CEP85L: variants seen among roughly 807,000 people sequenced by gnomAD.
CEP85L encodes centrosomal protein 85L, also known as centrosomal protein of 85 kDa-like.
Under a neutral mutation model 100.3 loss-of-function variants are expected in CEP85L, and 60 were observed. The observed-to-expected ratio is 0.60, with a 90% CI of 0.49 to 0.74. CEP85L has a LOEUF of 0.74. CEP85L is among the 30% of genes least tolerant of loss of function. The probability of loss-of-function intolerance (pLI) is 0.00; values close to 1 mark genes in which losing one functional copy is unlikely to be tolerated. For synonymous variants in CEP85L, 319 were observed against 322.7 expected, an observed-to-expected ratio of 0.99 and a Z score of 0.12; for missense variants, 973 against 936.2, an observed-to-expected ratio of 1.04 and a Z score of -0.51.
chr6:118,544,414 T>C (rs557050196), intron 3 of CEP85L, among the ~76,000 whole-genome samples: 1 of 152,344 alleles, frequency 6.6e-6, no homozygotes, highest in East Asian at 1.9e-4. Context: ...TGGGAATTTC[T>C]TTTTCTCCTG....
rs117836445 is a variant in CEP85L, at chr6:118,650,422, A to T, written c.73+775T>A. ...TACACAACTTCTGAGCGACGCAAGCATGAAATGGCTGTCCGATACAAACAG... is the reference window on the plus strand; with the variant it reads ...TACACAACTTCTGAGCGACGCAAGCTTGAAATGGCTGTCCGATACAAACAG... On this transcript the variant is annotated intron_variant, in intron 1 of 12. Transcript: ENST00000368491. Among the ~76,000 whole-genome samples the T allele has an allele frequency of 1.2e-3, 181 of 152,320 alleles. 1 individual carries two copies. Among genetic ancestry groups the T allele is most frequent in the Middle Eastern group, 3.4e-3 (1 of 294 alleles).
intron 1 of CEP85L, among the ~76,000 whole-genome samples, chr6:118,691,147 G>A (rs1375032073): frequency 6.6e-6 from 1 of 152,214 alleles, no homozygotes; most frequent in Admixed American, 6.5e-5. Flanking sequence ...AGGCGTGGTG[G>A]CTCATGCCTG....
Position 118,565,527 on chromosome 6 carries a change from A to G in CEP85L, c.1020+2T>C. The G allele has an allele frequency of 6.2e-7, 1 of 1,614,026 alleles. No individual in the cohort carries two copies. Among genetic ancestry groups the G allele is most frequent in the Non-Finnish European group, 8.5e-7 (1 of 1,179,890 alleles). On this transcript the variant is annotated splice_donor_variant, in intron 3 of 12. Transcript: ENST00000368491. LOFTEE classifies it high-confidence loss of function. ...AAGCAAACACTAGATTTTGCACCTT[A>G]CCTGCATTGGTGTTTCACTTCCTTG...
intron 2 of CEP85L, chr6:118,589,128 A>C (rs927125832): frequency 3.0e-5 from 9 of 296,110 alleles, no homozygotes; most frequent in Non-Finnish European, 6.4e-5. Flanking sequence ...ATATCAGAGA[A>C]GAAACACAAG....
chr6:118,573,172 T>A (rs1176121955), intron 2 of CEP85L, among the ~76,000 whole-genome samples: 1 of 152,080 alleles, frequency 6.6e-6, no homozygotes. Context: ...CATCAGACAA[T>A]GAGAAGTGGT....
At chr6:118,627,859 T>A (rs1020693863) in intron 2 of CEP85L, among the ~76,000 whole-genome samples, 1 of 152,160 alleles carries the variant, frequency 6.6e-6, no homozygotes, top group Admixed American at 6.5e-5. Flanking sequence ...TAACTTACCT[T>A]GGGGAAGAGA....
At chr6:118,689,363 T>A (rs73768523) in intron 1 of CEP85L, among the ~76,000 whole-genome samples, 4,530 of 152,324 alleles carry the variant, frequency 0.03, 234 homozygotes, top group African/African-American at 0.1. Flanking sequence ...AGGAAAATTA[T>A]TGTCCATTAG....
chr6:118,539,289 C>T (rs747373402), intron 3 of CEP85L, among the ~76,000 whole-genome samples: 7 of 152,108 alleles, frequency 4.6e-5, no homozygotes, highest in Non-Finnish European at 1.0e-4. Context: ...TATTTAGGTA[C>T]ACAGTAACAC....
At chr6:118,507,743 C>T (rs770804567) in intron 5 of CEP85L, among the ~76,000 whole-genome samples, 2 of 152,182 alleles carry the variant, frequency 1.3e-5, no homozygotes, top group African/African-American at 2.4e-5. Flanking sequence ...TTCCTTCACC[C>T]CCTTCACCTG....
intron 1 of CEP85L, among the ~76,000 whole-genome samples, chr6:118,686,708 A>G (rs1437913466): frequency 6.6e-6 from 1 of 152,176 alleles, no homozygotes; most frequent in Non-Finnish European, 1.5e-5. Context: ...GTGGACACCT[A>G]CGTGCATTTC....
chr6:118,608,799 G>T (rs1380852229), intron 2 of CEP85L, among the ~76,000 whole-genome samples: 2 of 152,182 alleles, frequency 1.3e-5, no homozygotes, highest in Non-Finnish European at 2.9e-5. Flanking sequence ...TTGCCAAATA[G>T]TGGAACAGAA....
chr6:118,493,938 C>T (rs574934730), intron 5 of CEP85L, among the ~76,000 whole-genome samples: 4 of 151,734 alleles, frequency 2.6e-5, no homozygotes, highest in African/African-American at 4.8e-5. Context: ...TCTAGCCCAG[C>T]GTGTAAAGAT....
chr6:118,532,196 T>C (rs1302644238), intron 3 of CEP85L, among the ~76,000 whole-genome samples: 5 of 152,002 alleles, frequency 3.3e-5, no homozygotes, highest in Admixed American at 6.6e-5. Context: ...AAAAGAATAA[T>C]ATGTCCTTTG....
chr6:118,578,769 T>TG (rs1210072824), intron 2 of CEP85L, among the ~76,000 whole-genome samples: 1 of 152,210 alleles, frequency 6.6e-6, no homozygotes, highest in Non-Finnish European at 1.5e-5. Flanking sequence ...TTGTTCGGTG[T>TG]GCTCTCGCGA....
chr6:118,551,532 T>TA (rs1205368358), intron 3 of CEP85L, among the ~76,000 whole-genome samples: 1 of 151,894 alleles, frequency 6.6e-6, no homozygotes, highest in African/African-American at 2.4e-5. Flanking sequence ...TTTCAATATT[T>TA]AAAAAACAAT....
intron 2 of CEP85L, among the ~76,000 whole-genome samples, chr6:118,572,272 TAAAAAAAAAAA>T (rs572307069): frequency 2.3e-4 from 25 of 107,630 alleles, no homozygotes; most frequent in African/African-American, 8.8e-4. Flanking sequence ...ACCCATTCTT[TAAAAAAAAAAA>T]AAAAAAAAAA....
At chr6:118,600,370 T>TGG (rs58066356) in intron 2 of CEP85L, among the ~76,000 whole-genome samples, 1,924 of 86,390 alleles carry the variant, frequency 0.022, 409 homozygotes, top group African/African-American at 0.033. Flanking sequence ...TGTGTGTGTG[T>TGG]AACGCCATGG....
intron 1 of CEP85L, among the ~76,000 whole-genome samples, chr6:118,691,280 C>T (rs1159171526): frequency 1.3e-5 from 2 of 151,992 alleles, no homozygotes; most frequent in Non-Finnish European, 2.9e-5. Context: ...CGCCTGTAAT[C>T]CCAGCACTTT....
chr6:118,657,397 C>T (rs150115470), upstream of CEP85L, among the ~76,000 whole-genome samples: 61 of 152,272 alleles, frequency 4.0e-4, no homozygotes, highest in African/African-American at 1.4e-3. Flanking sequence ...GCTGGCAGAA[C>T]ACTTGAAGTC....
Sources: gnomAD v4.1 joint callset for allele counts (sites outside exome capture counted in the v4.1 genomes callset) on GRCh38, gnomAD v4.1.1 for gene constraint, MANE v1.5 for transcripts, NCBI Gene and HGNC (gene_info 2026-07-23, HGNC 2026-07-21) for gene names.